The following NDST4 variants were observed in gnomAD, a reference collection of about 807,000 sequenced individuals.
The protein encoded by NDST4 is N-heparan sulfate sulfotransferase 4.
In NDST4, 63 loss-of-function variants were observed where a neutral mutation model predicts 100.8. That is an observed-to-expected ratio of 0.62 (90% CI 0.51 to 0.77). NDST4 has a LOEUF of 0.77. Among genes scored for constraint, NDST4 ranks in the 30% least tolerant of loss-of-function variants. The pLI, the probability that NDST4 is intolerant of heterozygous loss-of-function variation, is 0.00. For missense variants in NDST4, 943 were observed against 1,018.4 expected (o/e 0.93, Z 1.01); for synonymous variants, 377 against 361.8 (o/e 1.04, Z -0.48).
In NDST4 at chr4:114,950,278, C is replaced by T. The variant is rs145835417; in HGVS notation, c.1222-12775G>A. Among the ~76,000 whole-genome samples, 272 of 152,008 alleles carry T rather than the reference C, an allele frequency of 1.8e-3. 1 individual carries two copies. The highest frequency in any genetic ancestry group is 2.8e-3 in the Non-Finnish European group (191 of 67,920). ...TTCTTCAACATTTTATCCACTTTTCCGAGGTTCATTAAGGCAGGAATATTG... is the reference window on the plus strand; with the variant it reads ...TTCTTCAACATTTTATCCACTTTTCTGAGGTTCATTAAGGCAGGAATATTG... On this transcript the variant is annotated intron_variant, in intron 4 of 13. Transcript: ENST00000264363.
At position 115,102,838 on chromosome 4, in the gene NDST4, A is replaced by G. The variant is rs1422075444; in HGVS notation, c.-247+10606T>C. On this transcript the variant is annotated intron_variant, in intron 1 of 13. Coordinates refer to ENST00000264363, the MANE Select transcript of NDST4 (RefSeq NM_022569.3). ...ATTCTTTTGCCTCAGCCTCCTGAGT[A>G]GCTGGAATTATAGGCGCCTGCCACC... 4.0e-5 allele frequency among the ~76,000 whole-genome samples: 6 copies of G among 149,208 alleles called. No homozygotes were observed. In the Admixed American group the frequency reaches 4.1e-4, roughly 10 times the overall value.
intron 2 of NDST4, among the ~76,000 whole-genome samples, chr4:115,067,180 T>G (rs1209201340): frequency 6.6e-6 from 1 of 152,156 alleles, no homozygotes; most frequent in African/African-American, 2.4e-5. Context: ...CTTGACTGGC[T>G]GGGCCATCCA....
At chr4:114,878,804 T>C (rs962293369) in intron 6 of NDST4, among the ~76,000 whole-genome samples, 1 of 151,902 alleles carries the variant, frequency 6.6e-6, no homozygotes. Context: ...AATTAATATA[T>C]CAAATATAAT....
rs1728758508 is a variant in NDST4, at chr4:115,058,962, T to C, written c.978+17097A>G. On this transcript the variant is annotated intron_variant, in intron 2 of 13. Coordinates refer to ENST00000264363, the MANE Select transcript of NDST4 (RefSeq NM_022569.3). ...GAATAGATGGGAATAGCTGAAACTG[T>C]GGAAAGAGTTCTGAAGCTACACACA... 2.0e-5 allele frequency among the ~76,000 whole-genome samples: 3 copies of C among 148,744 alleles called. No individual in the cohort carries two copies. The South Asian group carries it at 6.3e-4, about 31-fold the overall frequency.
chr4:114,870,750 G>A lies in NDST4; in HGVS notation c.1719+18C>T, dbSNP rs752211443. On this transcript the variant is annotated intron_variant, in intron 7 of 13. Transcript: ENST00000264363. ...TAGTTTCTTTCCTTCCACCCCAAGA[G>A]AGAATGTTAAATGTTACCTGCCATA... 1 of 1,582,638 alleles carries A rather than the reference G, an allele frequency of 6.3e-7. No individual in the cohort carries two copies. The highest frequency in any genetic ancestry group is 8.6e-7 in the Non-Finnish European group (1 of 1,165,286).
intron 1 of NDST4, among the ~76,000 whole-genome samples, chr4:115,108,080 T>C (rs1729867110): frequency 6.6e-6 from 1 of 152,132 alleles, no homozygotes; most frequent in South Asian, 2.1e-4. Flanking sequence ...TTGACATAAC[T>C]ATTAGTGAAA....
At chr4:114,925,172 G>C (rs370677123) in intron 6 of NDST4, among the ~76,000 whole-genome samples, 1 of 151,834 alleles carries the variant, frequency 6.6e-6, no homozygotes, top group South Asian at 2.1e-4. Flanking sequence ...TTTCTATGTG[G>C]TTTCTATTTC....
intron 1 of NDST4, among the ~76,000 whole-genome samples, chr4:115,094,991 T>G (rs1729591931): frequency 6.6e-6 from 1 of 152,174 alleles, no homozygotes; most frequent in Non-Finnish European, 1.5e-5. Flanking sequence ...ATCTGTGGAT[T>G]GCAAAGTTAG....
chr4:114,951,210 CTT>C (rs1215976321), intron 4 of NDST4, among the ~76,000 whole-genome samples: 1 of 151,944 alleles, frequency 6.6e-6, no homozygotes, highest in Non-Finnish European at 1.5e-5. Context: ...TGAATGAACA[CTT>C]TAATTAATTT....
chr4:115,080,553 A>G (rs2126291285), intron 1 of NDST4, among the ~76,000 whole-genome samples: 1 of 152,258 alleles, frequency 6.6e-6, no homozygotes, highest in Non-Finnish European at 1.5e-5. Context: ...CAGCAATAAA[A>G]AGGCTTTGGT....
intron 1 of NDST4, among the ~76,000 whole-genome samples, chr4:115,112,174 A>T (rs966078238): frequency 9.3e-5 from 14 of 150,894 alleles, no homozygotes; most frequent in Non-Finnish European, 1.8e-4. Flanking sequence ...CTTTTAATAG[A>T]GTAGAATAAA....
chr4:114,940,045 C>A (rs1387543491), intron 4 of NDST4, among the ~76,000 whole-genome samples: 1 of 152,032 alleles, frequency 6.6e-6, no homozygotes, highest in African/African-American at 2.4e-5. Context: ...CAGAAGATCA[C>A]AAAAATTACA....
At chr4:114,921,587 T>A (rs1037373424) in intron 6 of NDST4, among the ~76,000 whole-genome samples, 8 of 152,206 alleles carry the variant, frequency 5.3e-5, no homozygotes, top group Non-Finnish European at 1.5e-5. Flanking sequence ...AATCACTTGC[T>A]TTTTATCACA....
intron 9 of NDST4, 108 bp downstream of exon 9, chr4:114,848,107 G>C (rs934544177): frequency 5.3e-5 from 47 of 894,082 alleles, no homozygotes; most frequent in Admixed American, 1.2e-4. Flanking sequence ...AATTCACTGT[G>C]GTGAATTTAT....
chr4:114,941,781 C>T (rs1008697504), intron 4 of NDST4, among the ~76,000 whole-genome samples: 2 of 152,126 alleles, frequency 1.3e-5, no homozygotes, highest in Non-Finnish European at 2.9e-5. Context: ...GTACAGCGTA[C>T]AATCTGCTCC....
intron 1 of NDST4, among the ~76,000 whole-genome samples, chr4:115,085,318 T>C (rs894374053): frequency 6.6e-6 from 1 of 152,220 alleles, no homozygotes; most frequent in African/African-American, 2.4e-5. Flanking sequence ...CAGAAGGGAC[T>C]TGCCTTGTCT....
rs570774013 is a variant in NDST4, at chr4:114,973,615, A to C, written c.1067-3031T>G. ...TAAAATACATGAAGTTTGTTTCTTT[A>C]CTATCACTTTTGGAGAATCTGTGTT... On this transcript the variant is annotated intron_variant, in intron 3 of 13. Transcript: ENST00000264363. Among the ~76,000 whole-genome samples, 18 of 152,032 alleles carry C rather than the reference A, an allele frequency of 1.2e-4. No individual in the cohort carries two copies. In the South Asian group the frequency reaches 3.1e-3, roughly 26 times the overall value.
In NDST4 at chr4:114,979,934, G is replaced by A. The variant is rs140420842; in HGVS notation, c.979-2660C>T. Among the ~76,000 whole-genome samples, 107 of 152,056 alleles carry A rather than the reference G, an allele frequency of 7.0e-4. 2 individuals carry two copies. The East Asian group carries it at 0.019, about 27-fold the overall frequency. Reference sequence around the variant, plus strand: ...TCTTTAGTTTTCAAACTTCAGAAAAGTTTTCATGCCATTCAGTTACAAAGG... The same window carrying A: ...TCTTTAGTTTTCAAACTTCAGAAAAATTTTCATGCCATTCAGTTACAAAGG... On this transcript the variant is annotated intron_variant, in intron 2 of 13. Coordinates refer to ENST00000264363, the MANE Select transcript of NDST4 (RefSeq NM_022569.3).
At chr4:114,986,818 ATATATATATATATATT>A in intron 2 of NDST4, among the ~76,000 whole-genome samples, 1 of 122,484 alleles carries the variant, frequency 8.2e-6, no homozygotes, top group East Asian at 2.5e-4. Flanking sequence ...ATATATATAT[ATATATATATATATATT>A]TTAATATACT....
Sources: allele counts gnomAD v4.1 joint callset (sites outside exome capture counted in the v4.1 genomes callset), GRCh38; gene constraint gnomAD v4.1.1; transcripts MANE v1.5; gene names NCBI Gene and HGNC (gene_info 2026-07-23, HGNC 2026-07-21).